GMIP: variants seen among roughly 807,000 people sequenced by gnomAD.
GMIP encodes the protein GEM-interacting protein.
GMIP carries 54 observed loss-of-function variants against 105.3 expected under a neutral mutation model. The observed-to-expected ratio is 0.51, with a 90% CI of 0.41 to 0.64. The LOEUF (loss-of-function observed/expected upper bound fraction) is 0.64. Ranked by LOEUF, GMIP falls within the 30% of genes least tolerant of loss-of-function variation. The pLI is 0.00. For missense variants in GMIP, 1,110 were observed against 1,319.4 expected (o/e 0.84, Z 2.46); for synonymous variants, 541 against 560.8 (o/e 0.96, Z 0.50).
chr19:19,642,269 A>G (rs1255331657), intron 2 of GMIP, among the ~76,000 whole-genome samples: 2 of 152,124 alleles, frequency 1.3e-5, no homozygotes, highest in African/African-American at 4.8e-5. Context: ...TGAGGTTCAT[A>G]GAGTGGGATT....
chr19:19,630,560 GA>G lies in GMIP; in HGVS notation c.2473-24del. ...AATCTGCAGGGAGAAACCCAAGAAT[GA>G]GACCCCAACACTAAAATCCCAGTTC... On this transcript the variant is annotated intron_variant, in intron 19 of 20. Transcript: ENST00000203556. This position sits in a 1 kb window ranked among gnomAD's most constrained non-coding sequence, Gnocchi z 4.8. The G allele has an allele frequency of 6.3e-7, 1 of 1,595,896 alleles. No individual in the cohort carries two copies. Among genetic ancestry groups the G allele is most frequent in the Non-Finnish European group, 8.6e-7 (1 of 1,163,488 alleles).
In GMIP at chr19:19,643,584, C is replaced by G; in HGVS notation, c.-55G>C. 22 of 1,469,880 alleles carry G rather than the reference C, an allele frequency of 1.5e-5. No individual in the cohort carries two copies. The highest frequency in any genetic ancestry group is 1.9e-5 in the Non-Finnish European group (21 of 1,092,068). The allele number at this position is 1,469,880 out of a possible 1,614,324, so 91.1% of individuals were successfully genotyped here. ...CCGGGATGGGGATGGGGTCGCGCGC[C>G]GGCGGGGCCGAGCCCCGATTTCCTG... On this transcript the variant is annotated 5_prime_UTR_variant, in exon 1 of 21. Transcript: ENST00000203556.
Position 19,635,378 on chromosome 19 carries a change from T to A in GMIP, c.1560+37A>T. On this transcript the variant is annotated intron_variant, in intron 15 of 20. Transcript: ENST00000203556. The surrounding 1 kb of genome is among the most constrained non-coding windows in gnomAD (Gnocchi z 4.7). ...CTCAGGTCAGGGAGATGATCAAGGG[T>A]CAGCAAAGGTCATTTGGTCATTAAC... The A allele has an allele frequency of 6.3e-7, 1 of 1,597,470 alleles. No individual in the cohort carries two copies.
At chr19:19,636,649 C>T (rs939160869) in intron 13 of GMIP, 58 bp downstream of exon 13, 12 of 1,277,914 alleles carry the variant, frequency 9.4e-6, no homozygotes, top group Non-Finnish European at 3.4e-6. Context: ...AGAGCTTGGC[C>T]AGGGGCTGGA....
At chr19:19,636,012 T>G (rs1271728474) in intron 13 of GMIP, among the ~76,000 whole-genome samples, 1 of 151,926 alleles carries the variant, frequency 6.6e-6, no homozygotes, top group Non-Finnish European at 1.5e-5. Flanking sequence ...GACACCAGCC[T>G]GGCCAACATG....
At chr19:19,640,746 T>G (rs1318799310) in intron 4 of GMIP, among the ~76,000 whole-genome samples, 175 bp from the exon 5 acceptor site, 4 of 152,006 alleles carry the variant, frequency 2.6e-5, no homozygotes, top group African/African-American at 9.7e-5. Flanking sequence ...TTTTGTTTTT[T>G]ATTTTTTATT....
chr19:19,641,944 T>C (rs776629629), intron 3 of GMIP, 32 bp downstream of exon 3: 2 of 1,602,254 alleles, frequency 1.2e-6, no homozygotes, highest in South Asian at 2.2e-5. Context: ...CTGCTTGAGG[T>C]CTTCCTCCCT....
chr19:19,634,668 G>A lies in GMIP; in HGVS notation c.1923C>T (p.Asp641=), dbSNP rs142135258. 357 of 1,611,894 alleles carry A rather than the reference G, an allele frequency of 2.2e-4. 2 individuals carry two copies. The highest frequency in any genetic ancestry group is 8.6e-4 in the Admixed American group (51 of 59,624). Residue 641 remains aspartate, a synonymous_variant, in exon 18 of 21, where the codon GAC becomes GAT. Coordinates refer to ENST00000203556, the MANE Select transcript of GMIP (RefSeq NM_016573.4). The surrounding 1 kb of genome is among the most constrained non-coding windows in gnomAD (Gnocchi z 6.1). ...AGGTCTTAGCCAGAGAGATGAAGGC[G>A]TCGTAGAGGTGGAAGGGGATCACGG... ...TEPVIPFHLY[D]AFISLAKTLH... is the part of the protein sequence containing the mutation.
chr19:19,639,431 C>T (rs1475377852), intron 7 of GMIP, among the ~76,000 whole-genome samples: 1 of 151,968 alleles, frequency 6.6e-6, no homozygotes, highest in African/African-American at 2.4e-5. Context: ...TCCAGACCTG[C>T]TCTCCCCGAC....
chr19:19,638,969 A>G (rs923040161), intron 7 of GMIP, among the ~76,000 whole-genome samples: 4 of 151,686 alleles, frequency 2.6e-5, no homozygotes, highest in Middle Eastern at 3.4e-3. Context: ...AGTCCCACCT[A>G]CTCGGGAGGC....
Position 19,634,120 on chromosome 19 carries a change from G to A in GMIP, c.2155C>T (p.Leu719=), listed in dbSNP as rs773931039. The change falls in exon 19 of 21, where the codon CTG becomes TTG. Residue 719 remains leucine (L), a synonymous_variant. Transcript: ENST00000203556. This position sits in a 1 kb window ranked among gnomAD's most constrained non-coding sequence, Gnocchi z 6.1. ...NLGIVFGPTL[L]RPPDGPRAAS... ...GCCCGCGGGCCGTCCGGCGGCCGCAGCAGTGTCGGCCCAAACACAATGCCC... is the reference window on the plus strand; with the variant it reads ...GCCCGCGGGCCGTCCGGCGGCCGCAACAGTGTCGGCCCAAACACAATGCCC... The A allele has an allele frequency of 1.7e-5, 28 of 1,612,254 alleles. No individual in the cohort carries two copies. In the East Asian group the frequency reaches 4.7e-4, roughly 27 times the overall value.
At position 19,633,800 on chromosome 19, in the gene GMIP, T is replaced by G. The variant is rs778248134; in HGVS notation, c.2472+3A>C. ...CATAGCTGTGGGCCCAGTGGGTTCT[T>G]ACCTCGGTAGGTGTGGCCGTGGGAT... On this transcript the variant is annotated splice_donor_region_variant and intron_variant, in intron 19 of 20. Transcript: ENST00000203556. The G allele has an allele frequency of 6.9e-7, 1 of 1,456,626 alleles. No individual in the cohort carries two copies. Among genetic ancestry groups the G allele is most frequent in the East Asian group, 2.4e-5 (1 of 41,140 alleles). 90.2% of individuals were successfully genotyped at this position (1,456,626 alleles called of 1,614,324 possible).
At position 19,629,840 on chromosome 19, in the gene GMIP, C is replaced by G. The variant is rs2061773276; in HGVS notation, c.*123G>C. The G allele has an allele frequency of 1.0e-6, 1 of 974,294 alleles. No individual in the cohort carries two copies. Among genetic ancestry groups the G allele is most frequent in the South Asian group, 1.7e-5 (1 of 60,220 alleles). 60.4% of individuals were successfully genotyped at this position (974,294 alleles called of 1,614,324 possible). On this transcript the variant is annotated 3_prime_UTR_variant, in exon 21 of 21. Coordinates refer to ENST00000203556, the MANE Select transcript of GMIP (RefSeq NM_016573.4). ...TAAATAGTTTTTCCTTATAGGAACC[C>G]TCTGGACCTCTCCCAGCATTGAACT...
chr19:19,634,806 G>A lies in GMIP; in HGVS notation c.1873C>T (p.Arg625Ter). The A allele has an allele frequency of 3.1e-6, 5 of 1,613,796 alleles. No homozygotes were observed. The highest frequency in any genetic ancestry group is 4.2e-6 in the Non-Finnish European group (5 of 1,180,014). The change falls in exon 17 of 21, where the codon CGA becomes TGA. Residue 625 changes from arginine to a stop codon, truncating the protein, a stop_gained. Transcript: ENST00000203556. LOFTEE classifies it high-confidence loss of function. This position sits in a 1 kb window ranked among gnomAD's most constrained non-coding sequence, Gnocchi z 6.1. The stretch of plus-strand genomic sequence containing the variant: ...TGAGCACCAACCTCCTGAAGAAATC[G>A]CTTGAGGACACTCGAGACGTCATGA... ...SPHDVSSVLKRFLQELTEPVI... is the reference protein window; with the variant it reads ...SPHDVSSVLK
In GMIP at chr19:19,630,965, C is replaced by T. The variant is rs1240302413; in HGVS notation, c.2473-428G>A. 6.6e-6 allele frequency among the ~76,000 whole-genome samples: 1 copy of T among 152,078 alleles called. No individual in the cohort carries two copies. On this transcript the variant is annotated intron_variant, in intron 19 of 20. Transcript: ENST00000203556. The surrounding 1 kb of genome is among the most constrained non-coding windows in gnomAD (Gnocchi z 4.8). ...CCTGTAATCCCAGCACTTTGGGAGG[C>T]TGAGGTTGGTGGATTATCTGAGGTC... is the stretch of plus-strand genomic sequence containing the variant.
Position 19,641,855 on chromosome 19 carries a change from T to C in GMIP, c.193A>G (p.Ser65Gly). 6.2e-7 allele frequency: 1 copy of C among 1,613,334 alleles called. No homozygotes were observed. The highest frequency in any genetic ancestry group is 8.5e-7 in the Non-Finnish European group (1 of 1,179,880). Reference protein sequence around the residue: ...TPTATVTNEASCWSGPSPEGP... With the variant: ...TPTATVTNEAGCWSGPSPEGP... ...TCTGGGGAGGGGCCGCTCCAACAGC[T>C]GGCTTCGTTGGTCTGTGCGGGAGGG... Residue 65 changes from serine to glycine, a missense_variant, in exon 4 of 21, where the codon AGC becomes GGC. Transcript: ENST00000203556.
chr19:19,639,973 G>A (rs1451476855), intron 7 of GMIP, 112 bp downstream of exon 7: 5 of 633,016 alleles, frequency 7.9e-6, no homozygotes, highest in South Asian at 1.9e-5. Flanking sequence ...ATGAAATGGC[G>A]ACGTTGGTAG....
At chr19:19,640,018 G>A in intron 7 of GMIP, 67 bp downstream of exon 7, 1 of 876,176 alleles carries the variant, frequency 1.1e-6, no homozygotes, top group South Asian at 1.4e-5. Context: ...GGAAACGAGG[G>A]GATCAGGCCT....
rs1226467115 is a variant in GMIP at position 19,630,227 on chromosome 19, C to G, written c.2649G>C (p.Gln883His). The change falls in exon 21 of 21, where the codon CAG becomes CAC. Residue 883 changes from glutamine to histidine, a missense_variant. Transcript: ENST00000203556. This position sits in a 1 kb window ranked among gnomAD's most constrained non-coding sequence, Gnocchi z 4.8. The part of the protein sequence containing the change: ...PRGGVRPVTH[Q>H]LSSLALVASK... Reference sequence around the variant, plus strand: ...AAGCCACCAGGGCCAGACTGGACAGCTGGTGGGTTACAGGCCTCACACCGC... The same window carrying G: ...AAGCCACCAGGGCCAGACTGGACAGGTGGTGGGTTACAGGCCTCACACCGC... 7 of 1,591,038 alleles carry G rather than the reference C, an allele frequency of 4.4e-6. No individual in the cohort carries two copies. The highest frequency in any genetic ancestry group is 2.3e-5 in the South Asian group (2 of 88,720).
Sources: gnomAD v4.1 joint callset for allele counts (sites outside exome capture counted in the v4.1 genomes callset) on GRCh38, gnomAD v4.1.1 for gene constraint, Gnocchi (gnomAD v3.1) non-coding constraint, MANE v1.5 for transcripts, NCBI Gene and HGNC (gene_info 2026-07-23, HGNC 2026-07-21) for gene names.